CFAP263: variants seen among roughly 807,000 people sequenced by gnomAD.
CFAP263 encodes the protein cilia and flagella associated protein 263, also known as cilia- and flagella-associated protein 263.
At chr16:58,254,095 C>CGGACATGAA in the CFAP263 span, 1 of 1,614,202 alleles carries the variant, frequency 6.2e-7, no homozygotes, top group Non-Finnish European at 8.5e-7. Flanking sequence ...AAAGAGGTTG[C>CGGACATGAA]GGACATGAAG....
At chr16:58,255,499 G>C in the CFAP263 span, among the ~76,000 whole-genome samples, 1 of 151,802 alleles carries the variant, frequency 6.6e-6, no homozygotes, top group African/African-American at 2.4e-5. Context: ...CCTGAATCCA[G>C]TCAAGTTGAC....
chr16:58,255,162 C>T, the CFAP263 span, among the ~76,000 whole-genome samples: 2 of 152,306 alleles, frequency 1.3e-5, no homozygotes. Context: ...GCCTTCGGTC[C>T]GTGGCCGAAG....
chr16:58,268,599 A>G, the CFAP263 span, among the ~76,000 whole-genome samples: 1 of 152,176 alleles, frequency 6.6e-6, no homozygotes, highest in South Asian at 2.1e-4. Flanking sequence ...CCCCAAAGCC[A>G]CAGGATTATT....
the CFAP263 span, among the ~76,000 whole-genome samples, chr16:58,260,428 T>G: frequency 6.6e-6 from 1 of 152,110 alleles, no homozygotes; most frequent in African/African-American, 2.4e-5. Context: ...ACCACGAGGT[T>G]TGTGGTGATT....
chr16:58,250,246 A>C, the CFAP263 span: 1 of 567,302 alleles, frequency 1.8e-6, no homozygotes, highest in Non-Finnish European at 3.1e-6. Context: ...TTTCCTCTTT[A>C]CTCCTTACTC....
the CFAP263 span, among the ~76,000 whole-genome samples, chr16:58,260,307 C>G: frequency 6.6e-6 from 1 of 152,252 alleles, no homozygotes; most frequent in Admixed American, 6.5e-5. Flanking sequence ...AACAGAGTCT[C>G]CCCTAGAGCC....
At chr16:58,258,160 T>C in the CFAP263 span, among the ~76,000 whole-genome samples, 63 of 151,906 alleles carry the variant, frequency 4.1e-4, no homozygotes, top group Non-Finnish European at 6.9e-4. Flanking sequence ...TTGTTTGCTC[T>C]CTTTTTATGG....
At chr16:58,254,062 AC>A in the CFAP263 span, 2 of 1,614,220 alleles carry the variant, frequency 1.2e-6, no homozygotes, top group South Asian at 2.2e-5. Flanking sequence ...CTGACTGCCG[AC>A]CAAAAACTTG....
chr16:58,262,090 A>T, the CFAP263 span, among the ~76,000 whole-genome samples: 1 of 140,324 alleles, frequency 7.1e-6, no homozygotes, highest in Non-Finnish European at 1.6e-5. Flanking sequence ...CTCTGCCCCC[A>T]CTCCCCCACA....
At chr16:58,267,104 GC>G in the CFAP263 span, among the ~76,000 whole-genome samples, 1 of 152,166 alleles carries the variant, frequency 6.6e-6, no homozygotes, top group Non-Finnish European at 1.5e-5. Flanking sequence ...TTCTCCATGT[GC>G]CAGGCACTGT....
the CFAP263 span, among the ~76,000 whole-genome samples, chr16:58,274,907 T>A: frequency 3.3e-5 from 5 of 152,186 alleles, no homozygotes; most frequent in Non-Finnish European, 4.4e-5. Flanking sequence ...TGGGTGGGGA[T>A]CTTAGTCGCT....
At chr16:58,251,048 C>T in the CFAP263 span, among the ~76,000 whole-genome samples, 4 of 152,194 alleles carry the variant, frequency 2.6e-5, no homozygotes, top group East Asian at 1.9e-4. Flanking sequence ...AATATCCTAG[C>T]TCTAGCAGCT....
At chr16:58,252,373 T>A in the CFAP263 span, among the ~76,000 whole-genome samples, 1 of 151,264 alleles carries the variant, frequency 6.6e-6, no homozygotes, top group Non-Finnish European at 1.5e-5. Context: ...TGTATATATA[T>A]AATATATAGT....
the CFAP263 span, among the ~76,000 whole-genome samples, chr16:58,260,243 G>A: frequency 1.3e-5 from 2 of 152,118 alleles, no homozygotes; most frequent in African/African-American, 4.8e-5. Context: ...AGAGGGAGAA[G>A]GGGTCAGGAG....
chr16:58,279,664 T>C, the CFAP263 span: 1 of 1,495,978 alleles, frequency 6.7e-7, no homozygotes. Flanking sequence ...ATCATTTTTT[T>C]TCTTTTTTTC....
chr16:58,263,032 T>G, the CFAP263 span, among the ~76,000 whole-genome samples: 1 of 152,310 alleles, frequency 6.6e-6, no homozygotes, highest in South Asian at 2.1e-4. Context: ...ATCAGAAAAC[T>G]ACTAAATAAT....
the CFAP263 span, among the ~76,000 whole-genome samples, chr16:58,275,449 G>A: frequency 6.6e-6 from 1 of 152,102 alleles, no homozygotes; most frequent in Non-Finnish European, 1.5e-5. Context: ...TTTGTTTGTT[G>A]TTAAGGATCT....
the CFAP263 span, among the ~76,000 whole-genome samples, chr16:58,263,314 TC>T: frequency 2.0e-5 from 3 of 152,180 alleles, no homozygotes; most frequent in East Asian, 5.8e-4. Context: ...ATTGGTTTCT[TC>T]CCCCAGAAAT....
chr16:58,250,300 G>C, the CFAP263 span: 1 of 526,536 alleles, frequency 1.9e-6, no homozygotes, highest in East Asian at 3.4e-5. Flanking sequence ...CTAGAACGGG[G>C]TGGTAGGGCG....
Sources: allele counts gnomAD v4.1 joint callset (sites outside exome capture counted in the v4.1 genomes callset), GRCh38; gene constraint gnomAD v4.1.1; transcripts MANE v1.5; gene names NCBI Gene and HGNC (gene_info 2026-07-23, HGNC 2026-07-21).